CNTNAP2: variants seen among roughly 807,000 people sequenced by gnomAD.
CNTNAP2 encodes contactin associated protein 2.
CNTNAP2 carries 98 observed loss-of-function variants against 155.2 expected under a neutral mutation model. That is an observed-to-expected ratio of 0.63 (90% CI 0.54 to 0.75). The LOEUF (loss-of-function observed/expected upper bound fraction) is 0.75. CNTNAP2 is among the 30% of genes least tolerant of loss of function. The pLI is 0.00. For missense variants in CNTNAP2, 1,727 were observed against 1,688.1 expected (o/e 1.02, Z -0.40); for synonymous variants, 651 against 631.2 (o/e 1.03, Z -0.47).
Position 147,045,806 on chromosome 7 carries a change from A to G in CNTNAP2, c.550+1752A>G, listed in dbSNP as rs530374959. Among the ~76,000 whole-genome samples the G allele has an allele frequency of 9.9e-5, 15 of 152,232 alleles. No individual in the cohort carries two copies. In the South Asian group the frequency reaches 2.9e-3, roughly 29 times the overall value. On this transcript the variant is annotated intron_variant, in intron 4 of 23. Transcript: ENST00000361727. ...CATGTTTAACTTTTAGTAAATAAAT[A>G]CAGACACACACACACATATATATAG...
chr7:148,281,354 T>A (rs181740271), intron 21 of CNTNAP2, among the ~76,000 whole-genome samples: 6 of 152,366 alleles, frequency 3.9e-5, no homozygotes, highest in Admixed American at 3.3e-4. Context: ...AAGAGTAGAA[T>A]GCAGCAAAAT....
In CNTNAP2 at chr7:147,933,269, CA is replaced by C. The variant is rs1800538976; in HGVS notation, c.2255+29555del. On this transcript the variant is annotated intron_variant, in intron 14 of 23. Transcript: ENST00000361727. ...TATGGAAAACTGTATAGAATGTTCT[CA>C]AAAAAATTAAAAGTAGAGTTGCCAT... Among the ~76,000 whole-genome samples, 3 of 151,800 alleles carry C rather than the reference CA, an allele frequency of 2.0e-5. No individual in the cohort carries two copies. In the South Asian group the frequency reaches 6.2e-4, roughly 32 times the overall value.
Position 146,638,317 on chromosome 7 carries a change from T to G in CNTNAP2, c.98-135954T>G, listed in dbSNP as rs183941834. Reference sequence around the variant, plus strand: ...CTCTGACAAATGACCTCCAGTTTGTTGGACAAAGTAGGCGGGATATGAAGG... The same window carrying G: ...CTCTGACAAATGACCTCCAGTTTGTGGGACAAAGTAGGCGGGATATGAAGG... On this transcript the variant is annotated intron_variant, in intron 1 of 23. Coordinates refer to ENST00000361727, the MANE Select transcript of CNTNAP2 (RefSeq NM_014141.6). 5.9e-5 allele frequency among the ~76,000 whole-genome samples: 9 copies of G among 152,190 alleles called. No individual in the cohort carries two copies. The East Asian group carries it at 1.7e-3, about 29-fold the overall frequency.
intron 3 of CNTNAP2, among the ~76,000 whole-genome samples, chr7:146,983,016 C>A (rs552402434): frequency 2.2e-4 from 33 of 152,218 alleles, no homozygotes; most frequent in African/African-American, 7.0e-4. Flanking sequence ...TGTTAAACCA[C>A]AATATTAAAG....
intron 20 of CNTNAP2, among the ~76,000 whole-genome samples, chr7:148,245,365 T>C (rs951284714): frequency 6.6e-6 from 1 of 152,120 alleles, no homozygotes; most frequent in Admixed American, 6.5e-5. Context: ...AAAAATAATA[T>C]GTGTAAAGTA....
chr7:147,689,698 G>A (rs889727102), intron 13 of CNTNAP2, among the ~76,000 whole-genome samples: 2 of 152,012 alleles, frequency 1.3e-5, no homozygotes, highest in Non-Finnish European at 2.9e-5. Context: ...AGCTCTGAAG[G>A]TATGATACAG....
intron 1 of CNTNAP2, among the ~76,000 whole-genome samples, chr7:146,522,027 A>G (rs938853043): frequency 6.6e-6 from 1 of 151,986 alleles, no homozygotes; most frequent in Admixed American, 6.6e-5. Context: ...TTAATGGAGC[A>G]CATTGAAAAA....
chr7:146,552,829 A>G (rs977901696), intron 1 of CNTNAP2, among the ~76,000 whole-genome samples: 3 of 151,964 alleles, frequency 2.0e-5, no homozygotes, highest in Non-Finnish European at 4.4e-5. Flanking sequence ...CATGCAATGC[A>G]CTCAGCCTGA....
intron 1 of CNTNAP2, among the ~76,000 whole-genome samples, chr7:146,201,787 T>A (rs1246662072): frequency 6.6e-6 from 1 of 152,118 alleles, no homozygotes; most frequent in Non-Finnish European, 1.5e-5. Context: ...TTGTGAAATA[T>A]ATTTAAATAT....
chr7:147,771,366 A>G (rs1390181469), intron 13 of CNTNAP2, among the ~76,000 whole-genome samples: 1 of 152,226 alleles, frequency 6.6e-6, no homozygotes, highest in Non-Finnish European at 1.5e-5. Context: ...TGCTACAAAT[A>G]AAGTAGAGAG....
At chr7:146,886,639 A>T (rs1795669024) in intron 3 of CNTNAP2, among the ~76,000 whole-genome samples, 1 of 151,884 alleles carries the variant, frequency 6.6e-6, no homozygotes, top group Non-Finnish European at 1.5e-5. Context: ...TAGGCATTTC[A>T]AATTTTGTAA....
intron 8 of CNTNAP2, among the ~76,000 whole-genome samples, chr7:147,166,275 G>A (rs917377254): frequency 1.3e-5 from 2 of 152,172 alleles, no homozygotes; most frequent in South Asian, 2.1e-4. Context: ...ATTATTCTAA[G>A]TGAAGTATAC....
intron 15 of CNTNAP2, among the ~76,000 whole-genome samples, chr7:148,030,961 T>C (rs1802466526): frequency 6.6e-6 from 1 of 152,102 alleles, no homozygotes; most frequent in Non-Finnish European, 1.5e-5. Flanking sequence ...GAGACTTTCT[T>C]TGAAACGATT....
At chr7:146,269,110 G>A (rs987608980) in intron 1 of CNTNAP2, among the ~76,000 whole-genome samples, 18 of 152,148 alleles carry the variant, frequency 1.2e-4, no homozygotes, top group African/African-American at 4.1e-4. Context: ...GGGAGGCTGA[G>A]GTGGGCAGGT....
intron 8 of CNTNAP2, among the ~76,000 whole-genome samples, chr7:147,217,324 C>T (rs1411118259): frequency 6.6e-6 from 1 of 151,490 alleles, no homozygotes; most frequent in Admixed American, 6.6e-5. Flanking sequence ...GGAAGTTTCC[C>T]CTTATTCCTA....
At position 146,641,029 on chromosome 7, in the gene CNTNAP2, G is replaced by GA. The variant is rs1799696334; in HGVS notation, c.98-133238dup. Among the ~76,000 whole-genome samples the GA allele has an allele frequency of 2.6e-5, 4 of 152,206 alleles. No homozygotes were observed. The South Asian group carries it at 6.2e-4, about 24-fold the overall frequency. ...AGCAGCCTTCCAATAGTTTGCAATT[G>GA]AAAAGAGACAAACTTGTCCAGGCAC... On this transcript the variant is annotated intron_variant, in intron 1 of 23. Coordinates refer to ENST00000361727, the MANE Select transcript of CNTNAP2 (RefSeq NM_014141.6).
intron 19 of CNTNAP2, among the ~76,000 whole-genome samples, chr7:148,218,464 T>A (rs1795684308): frequency 6.6e-6 from 1 of 152,122 alleles, no homozygotes; most frequent in African/African-American, 2.4e-5. Flanking sequence ...GGATCACAGC[T>A]CACTTCAGCC....
chr7:146,512,505 CT>C (rs201856105), intron 1 of CNTNAP2, among the ~76,000 whole-genome samples: 26 of 143,144 alleles, frequency 1.8e-4, no homozygotes, highest in Non-Finnish European at 2.5e-4. Flanking sequence ...TCTCTTGTTT[CT>C]TTTTTTTTTC....
intron 1 of CNTNAP2, among the ~76,000 whole-genome samples, chr7:146,362,508 T>C: frequency 6.6e-6 from 1 of 152,140 alleles, no homozygotes; most frequent in East Asian, 1.9e-4. Flanking sequence ...GTCAAGTGAT[T>C]AAGTGCAAAA....
Sources: gnomAD v4.1 joint callset for allele counts (sites outside exome capture counted in the v4.1 genomes callset) on GRCh38, gnomAD v4.1.1 for gene constraint, MANE v1.5 for transcripts, NCBI Gene and HGNC (gene_info 2026-07-23, HGNC 2026-07-21) for gene names.